Variants in DSCAM observed in about 807,000 individuals in gnomAD.
The protein encoded by DSCAM is DS cell adhesion molecule, also known as cell adhesion molecule DSCAM.
In DSCAM, 47 loss-of-function variants were observed where a neutral mutation model predicts 217.7. The ratio of observed to expected loss-of-function variants is 0.22; its 90% CI spans 0.17 to 0.28. The LOEUF is 0.28. Among genes scored for constraint, DSCAM ranks in the 10% least tolerant of loss-of-function variants. The probability of loss-of-function intolerance (pLI) is 1.00; values close to 1 mark genes in which losing one functional copy is unlikely to be tolerated. For synonymous variants in DSCAM, 1,056 were observed against 1,015.3 expected (o/e 1.04, Z -0.76); for missense variants, 2,080 against 2,618.3 (o/e 0.79, Z 4.49).
chr21:40,655,172 ACT>A lies in DSCAM; in HGVS notation c.508+37636_508+37637del, dbSNP rs527986097. ...AGCAACTAGACATATTAGGATTCTG[ACT>A]CTCTTCTCTACCCTGCTTAAGGAAC... On this transcript the variant is annotated intron_variant, in intron 3 of 32. Transcript: ENST00000400454. Among the ~76,000 whole-genome samples the A allele has an allele frequency of 5.3e-5, 8 of 151,948 alleles. No homozygotes were observed. In the South Asian group the frequency reaches 1.7e-3, roughly 32 times the overall value.
intron 1 of DSCAM, among the ~76,000 whole-genome samples, chr21:40,783,951 C>A (rs1461571567): frequency 6.6e-6 from 1 of 151,508 alleles, no homozygotes; most frequent in African/African-American, 2.4e-5. Context: ...TGTATATAAT[C>A]TAATAGGTAT....
intron 20 of DSCAM, among the ~76,000 whole-genome samples, chr21:40,119,513 G>T (rs934373526): frequency 6.6e-6 from 1 of 152,152 alleles, no homozygotes; most frequent in Non-Finnish European, 1.5e-5. Context: ...TAAAAAATGC[G>T]AACTCTTTAA....
chr21:40,663,604 CAGAT>C (rs2090167318), intron 3 of DSCAM, among the ~76,000 whole-genome samples: 1 of 152,180 alleles, frequency 6.6e-6, no homozygotes, highest in Non-Finnish European at 1.5e-5. Context: ...GACTCGTTCA[CAGAT>C]AGGCATGTGA....
intron 1 of DSCAM, among the ~76,000 whole-genome samples, chr21:40,843,607 C>T (rs1429982060): frequency 2.0e-5 from 3 of 152,022 alleles, no homozygotes; most frequent in South Asian, 2.1e-4. Context: ...CACCGAGGGA[C>T]GTGTGTGGGT....
intron 5 of DSCAM, among the ~76,000 whole-genome samples, chr21:40,352,997 T>C (rs2074649731): frequency 6.6e-6 from 1 of 152,216 alleles, no homozygotes; most frequent in Non-Finnish European, 1.5e-5. Context: ...CCCCGTACTT[T>C]GGGTGATAAT....
intron 3 of DSCAM, among the ~76,000 whole-genome samples, chr21:40,567,181 G>C (rs1381796510): frequency 6.6e-6 from 1 of 152,170 alleles, no homozygotes; most frequent in Non-Finnish European, 1.5e-5. Flanking sequence ...TAAAACAATT[G>C]TCATGGGCTC....
intron 2 of DSCAM, among the ~76,000 whole-genome samples, chr21:40,698,049 T>TA (rs1308647750): frequency 6.6e-6 from 1 of 152,218 alleles, no homozygotes; most frequent in African/African-American, 2.4e-5. Flanking sequence ...ACTATAGGTT[T>TA]TTACTTTGTG....
intron 3 of DSCAM, among the ~76,000 whole-genome samples, chr21:40,656,929 C>G (rs1012273042): frequency 6.6e-6 from 1 of 152,166 alleles, no homozygotes; most frequent in African/African-American, 2.4e-5. Flanking sequence ...ATATGAAATG[C>G]TAACTGTGCA....
intron 3 of DSCAM, among the ~76,000 whole-genome samples, chr21:40,400,614 G>T (rs931847273): frequency 6.6e-6 from 1 of 152,190 alleles, no homozygotes; most frequent in Admixed American, 6.5e-5. Flanking sequence ...ACAAGGTCTT[G>T]CTATGTTGCT....
chr21:40,109,105 A>G (rs557096390), intron 20 of DSCAM, among the ~76,000 whole-genome samples: 22 of 152,330 alleles, frequency 1.4e-4, no homozygotes, highest in East Asian at 3.9e-4. Flanking sequence ...AGATTTCATG[A>G]TGAAGACACC....
intron 3 of DSCAM, among the ~76,000 whole-genome samples, chr21:40,462,753 A>T (rs1439361378): frequency 5.9e-5 from 9 of 152,118 alleles, no homozygotes; most frequent in Admixed American, 5.9e-4. Context: ...GAGTGTCAGG[A>T]ATCTTAATCC....
At chr21:40,279,016 T>A (rs946376511) in intron 10 of DSCAM, among the ~76,000 whole-genome samples, 2 of 152,210 alleles carry the variant, frequency 1.3e-5, no homozygotes, top group South Asian at 2.1e-4. Flanking sequence ...AAAACTCACA[T>A]GTTTGCATTA....
chr21:40,208,910 C>G (rs1395022525), intron 11 of DSCAM, among the ~76,000 whole-genome samples: 4 of 152,146 alleles, frequency 2.6e-5, no homozygotes, highest in Non-Finnish European at 4.4e-5. Context: ...AGGAAGCATG[C>G]AACTAAGGAA....
rs1217476912 is a variant in DSCAM, at chr21:40,342,745, CTTTTTTTTTTTT to C, written c.1211-3342_1211-3331del. Reference sequence around the variant, plus strand: ...CTGGGACTGCAGGTGCACACCACGCCTTTTTTTTTTTTTTTTTTTTTTGTAGAGACAAAGTTT... The same window carrying C: ...CTGGGACTGCAGGTGCACACCACGCCTTTTTTTTTTGTAGAGACAAAGTTT... On this transcript the variant is annotated intron_variant, in intron 6 of 32. Coordinates refer to ENST00000400454, the MANE Select transcript of DSCAM (RefSeq NM_001389.5). 1.5e-4 allele frequency among the ~76,000 whole-genome samples: 10 copies of C among 67,150 alleles called. 1 individual carries two copies. The East Asian group carries it at 5.0e-3, about 33-fold the overall frequency. 44.1% of individuals were successfully genotyped at this position (67,150 alleles called of 152,430 possible).
intron 1 of DSCAM, among the ~76,000 whole-genome samples, chr21:40,837,438 C>T (rs1397905669): frequency 2.6e-5 from 4 of 152,196 alleles, no homozygotes; most frequent in African/African-American, 9.7e-5. Flanking sequence ...TCGAGGTCCA[C>T]ATTTTTCTAC....
intron 3 of DSCAM, among the ~76,000 whole-genome samples, chr21:40,563,383 T>C (rs1364659748): frequency 1.3e-5 from 2 of 150,780 alleles, no homozygotes; most frequent in South Asian, 2.1e-4. Context: ...ATCATTGATC[T>C]GGTGGAACTC....
intron 5 of DSCAM, among the ~76,000 whole-genome samples, chr21:40,350,486 C>CT (rs1034201333): frequency 3.8e-4 from 57 of 151,928 alleles, no homozygotes; most frequent in African/African-American, 9.2e-4. Flanking sequence ...GAAAAAAAAG[C>CT]TTTTTTTTAC....
At chr21:40,104,564 AG>A (rs768901595) in intron 20 of DSCAM, among the ~76,000 whole-genome samples, 15 of 152,206 alleles carry the variant, frequency 9.9e-5, no homozygotes, top group African/African-American at 3.6e-4. Context: ...TGGGATGAAT[AG>A]GAGGAGCACA....
At position 40,270,039 on chromosome 21, in the gene DSCAM, ATTCC is replaced by A. The variant is rs535923994; in HGVS notation, c.2356+6054_2356+6057del. Among the ~76,000 whole-genome samples, 9 of 152,292 alleles carry A rather than the reference ATTCC, an allele frequency of 5.9e-5. No homozygotes were observed. In the South Asian group the frequency reaches 1.9e-3, roughly 32 times the overall value. ...CTATATGGACCCTCCTGTTTTACAA[ATTCC>A]TTTTTTACCCCAGAGAATCTTTAGC... On this transcript the variant is annotated intron_variant, in intron 11 of 32. Transcript: ENST00000400454.
Sources: allele counts gnomAD v4.1 joint callset (sites outside exome capture counted in the v4.1 genomes callset), GRCh38; gene constraint gnomAD v4.1.1; transcripts MANE v1.5; gene names NCBI Gene and HGNC (gene_info 2026-07-23, HGNC 2026-07-21).